DMC1: variants seen among roughly 807,000 people sequenced by gnomAD.
DMC1 encodes meiotic recombination protein DMC1 homolog.
In DMC1, 27 loss-of-function variants were observed where a neutral mutation model predicts 50.1. That is an observed-to-expected ratio of 0.54 (90% confidence interval 0.40 to 0.74). The LOEUF is 0.74. Ranked by LOEUF, DMC1 falls within the 30% of genes least tolerant of loss-of-function variation. The pLI, the probability that DMC1 is intolerant of heterozygous loss-of-function variation, is 0.00. For synonymous variants in DMC1, 148 were observed against 136.1 expected (o/e 1.09, Z -0.61); for missense variants, 295 against 420.2 (o/e 0.70, Z 2.60).
chr22:38,555,917 C>T (rs772698504), intron 5 of DMC1, among the ~76,000 whole-genome samples: 3 of 151,646 alleles, frequency 2.0e-5, no homozygotes, highest in Non-Finnish European at 2.9e-5. Context: ...CTGCAGCCTC[C>T]GCCTACCAGG....
At position 38,568,354 on chromosome 22, in the gene DMC1, A is replaced by G; in HGVS notation, c.-33-65T>C. The stretch of plus-strand genomic sequence containing the variant: ...GTCCAGGGGCCTCTGATTTCATTTC[A>G]AAGTCAACAAGGACTAGAAGGACAG... On this transcript the variant is annotated intron_variant, in intron 1 of 13. Coordinates refer to ENST00000216024, the MANE Select transcript of DMC1 (RefSeq NM_007068.4). The G allele has an allele frequency of 3.3e-6, 4 of 1,221,780 alleles. 1 individual carries two copies. The South Asian group carries it at 5.0e-5, about 15-fold the overall frequency. 75.7% of individuals were successfully genotyped at this position (1,221,780 alleles called of 1,614,324 possible).
intron 1 of DMC1, 164 bp from the exon 2 acceptor site, chr22:38,568,453 G>T (rs1227217575): frequency 8.8e-6 from 3 of 342,794 alleles, no homozygotes; most frequent in Non-Finnish European, 1.6e-5. Flanking sequence ...ATTATTTCTT[G>T]TGTGTGTGTG....
chr22:38,549,948 G>A lies in DMC1; in HGVS notation c.471C>T (p.Ile157=). Residue 157 remains isoleucine (I), a synonymous_variant, in exon 8 of 14, where the codon ATC becomes ATT. Coordinates refer to ENST00000216024, the MANE Select transcript of DMC1 (RefSeq NM_007068.4). ...GAGGYPGGKI[I]FIDTENTFRP... ...ACAAAGTATTTTCTGTATCAATGAA[G>A]ATAATCTTTCCTCCTGGGTAGCCAC... 3 of 1,613,394 alleles carry A rather than the reference G, an allele frequency of 1.9e-6. No homozygotes were observed. The highest frequency in any genetic ancestry group is 2.5e-6 in the Non-Finnish European group (3 of 1,179,514).
intron 12 of DMC1, among the ~76,000 whole-genome samples, chr22:38,526,384 A>G (rs1471330766): frequency 1.3e-5 from 2 of 151,734 alleles, no homozygotes; most frequent in Admixed American, 6.6e-5. Context: ...TAATTTTTGT[A>G]TTTTTAGTAG....
chr22:38,559,878 C>A (rs192402466), intron 5 of DMC1, among the ~76,000 whole-genome samples: 1 of 151,652 alleles, frequency 6.6e-6, no homozygotes, highest in Non-Finnish European at 1.5e-5. Context: ...ATTAGCCGGG[C>A]GTGGTGGCGG....
At chr22:38,549,735 A>T (rs1017583014) in intron 8 of DMC1, 190 bp downstream of exon 8, 2 of 581,658 alleles carry the variant, frequency 3.4e-6, no homozygotes, top group Admixed American at 6.3e-5. Flanking sequence ...ATAAACCCAT[A>T]TGAAGAAGTG....
chr22:38,566,769 T>C, intron 3 of DMC1, 33 bp from the exon 4 acceptor site: 25 of 1,608,714 alleles, frequency 1.6e-5, no homozygotes, highest in Non-Finnish European at 2.1e-5. Flanking sequence ...AGCAGACTGA[T>C]AAGATGCCAG....
At chr22:38,558,753 A>C (rs1025259193) in intron 5 of DMC1, among the ~76,000 whole-genome samples, 14 of 152,194 alleles carry the variant, frequency 9.2e-5, no homozygotes, top group Non-Finnish European at 4.4e-5. Flanking sequence ...TAGCTCCTGA[A>C]TGATCTTTTC....
chr22:38,554,078 G>A (rs2090443666), intron 6 of DMC1, among the ~76,000 whole-genome samples: 1 of 151,182 alleles, frequency 6.6e-6, no homozygotes, highest in African/African-American at 2.4e-5. Context: ...GCAGTGAGCC[G>A]AGATGGCACC....
In DMC1 at chr22:38,519,991, C is replaced by T. The variant is rs764975564; in HGVS notation, c.*29G>A. On this transcript the variant is annotated 3_prime_UTR_variant, in exon 14 of 14. Coordinates refer to ENST00000216024, the MANE Select transcript of DMC1 (RefSeq NM_007068.4). The stretch of plus-strand genomic sequence containing the variant: ...CCATTTCTTCAGCTCCTAATAAGCA[C>T]TAAGAAGCAATTTGCATCAATTCAC... 1.6e-5 allele frequency: 26 copies of T among 1,594,810 alleles called. No individual in the cohort carries two copies. The South Asian group carries it at 2.5e-4, about 16-fold the overall frequency.
At chr22:38,551,285 ACTAATAT>A (rs924014331) in intron 7 of DMC1, among the ~76,000 whole-genome samples, 1 of 148,900 alleles carries the variant, frequency 6.7e-6, no homozygotes, top group African/African-American at 2.6e-5. Context: ...ATGCTATATA[ACTAATAT>A]GTTACCTTTA....
At chr22:38,537,866 C>T (rs11570427) in intron 11 of DMC1, among the ~76,000 whole-genome samples, 24 of 152,040 alleles carry the variant, frequency 1.6e-4, no homozygotes, top group Admixed American at 2.6e-4. Context: ...GTTGTAAAGC[C>T]GGGCTCAGCG....
chr22:38,569,058 C>G (rs962048662), intron 1 of DMC1, among the ~76,000 whole-genome samples: 2 of 151,818 alleles, frequency 1.3e-5, no homozygotes, highest in Non-Finnish European at 2.9e-5. Flanking sequence ...GTGGTGGGCG[C>G]CCGTAATCCC....
chr22:38,566,563 A>G, intron 4 of DMC1, 27 bp downstream of exon 4: 2 of 1,613,830 alleles, frequency 1.2e-6, no homozygotes, highest in South Asian at 2.2e-5. Context: ...TGCCAAGCTA[A>G]AACAGCAAAG....
rs2146003404 is a variant in DMC1, at chr22:38,562,454, G to A, written c.244-85C>T. 3 of 909,968 alleles carry A rather than the reference G, an allele frequency of 3.3e-6. No homozygotes were observed. In the South Asian group the frequency reaches 4.0e-5, roughly 12 times the overall value. 56.4% of individuals were successfully genotyped at this position (909,968 alleles called of 1,614,324 possible). A position where few individuals can be genotyped will look rare whatever the true frequency, so the allele number is the denominator to read the frequency against. ...AATGTTGCCCAAAATGATATACTCA[G>A]TTATTAAGATCATCATTTGGTATAA... On this transcript the variant is annotated intron_variant, in intron 4 of 13. Transcript: ENST00000216024.
the DMC1 span, among the ~76,000 whole-genome samples, chr22:38,512,120 G>A: frequency 1.3e-5 from 2 of 151,904 alleles, no homozygotes; most frequent in African/African-American, 4.8e-5. Context: ...GAGTACAGGC[G>A]CATGCCACCA....
At chr22:38,569,040 C>T (rs1299893713) in intron 1 of DMC1, among the ~76,000 whole-genome samples, 1 of 151,830 alleles carries the variant, frequency 6.6e-6, no homozygotes, top group South Asian at 2.1e-4. Flanking sequence ...AAAAATTAGC[C>T]GGGCGTGGTG....
chr22:38,562,581 T>G (rs1227051111), intron 4 of DMC1, among the ~76,000 whole-genome samples: 1 of 152,154 alleles, frequency 6.6e-6, no homozygotes, highest in African/African-American at 2.4e-5. Context: ...TAATAGTTAT[T>G]AGTTCTATGA....
chr22:38,567,588 C>T lies in DMC1; in HGVS notation c.91G>A (p.Gly31Arg), dbSNP rs1157343138. Reference sequence around the variant, plus strand: ...AGCATTGAAAAACTACTTACAATTCCATGTTTCTGTAACAGGTCAATATCT... The same window carrying T: ...AGCATTGAAAAACTACTTACAATTCTATGTTTCTGTAACAGGTCAATATCT... ...FQDIDLLQKH[G>R]INVADIKKLK... The change falls in exon 3 of 14, where the codon GGA becomes AGA. Residue 31 changes from glycine to arginine, a missense_variant. Gly to Arg is a moderately radical substitution (Grantham distance 125, BLOSUM62 -2). Transcript: ENST00000216024. 5 of 1,608,594 alleles carry T rather than the reference C, an allele frequency of 3.1e-6. No individual in the cohort carries two copies. In the African/African-American group the frequency reaches 4.0e-5, roughly 13 times the overall value.
Sources: allele counts gnomAD v4.1 joint callset (sites outside exome capture counted in the v4.1 genomes callset), GRCh38; gene constraint gnomAD v4.1.1; transcripts MANE v1.5; gene names NCBI Gene and HGNC (gene_info 2026-07-23, HGNC 2026-07-21).